The following OTOP1 variants were observed in gnomAD, a reference collection of about 807,000 sequenced individuals.
OTOP1 encodes otopetrin 1, also known as proton channel OTOP1.
A neutral mutation model predicts 52.9 loss-of-function variants in OTOP1; 59 were observed. The ratio of observed to expected loss-of-function variants is 1.12; its 90% CI spans 0.91 to 1.39. The LOEUF (loss-of-function observed/expected upper bound fraction) is 1.39, where lower values mean the gene tolerates loss of function less well. Among genes scored for constraint, OTOP1 ranks in the 40% most tolerant of loss-of-function variants. OTOP1 has a pLI of 0.00. For synonymous variants in OTOP1, 317 were observed against 337.7 expected, an observed-to-expected ratio of 0.94 and a Z score of 0.67; for missense variants, 761 against 800.9, an observed-to-expected ratio of 0.95 and a Z score of 0.60.
chr4:4,221,884 G>A (rs1014592749), intron 1 of OTOP1, among the ~76,000 whole-genome samples: 6 of 152,134 alleles, frequency 3.9e-5, no homozygotes, highest in Non-Finnish European at 5.9e-5. Flanking sequence ...CCAAAGTGCT[G>A]GGACTACAGG....
At chr4:4,193,131 A>C (rs1340619808) in intron 5 of OTOP1, among the ~76,000 whole-genome samples, 1 of 152,132 alleles carries the variant, frequency 6.6e-6, no homozygotes, top group Non-Finnish European at 1.5e-5. Flanking sequence ...TCTTGCGTTT[A>C]GGATAGAGTC....
chr4:4,213,091 T>G (rs1435626162), intron 1 of OTOP1, 87 bp from the exon 2 acceptor site: 1 of 1,484,510 alleles, frequency 6.7e-7, no homozygotes, highest in Non-Finnish European at 9.2e-7. Flanking sequence ...ATATTGTGTA[T>G]TAAACCCTTA....
chr4:4,203,865 C>A (rs1716841518), intron 3 of OTOP1, among the ~76,000 whole-genome samples: 1 of 152,188 alleles, frequency 6.6e-6, no homozygotes, highest in Non-Finnish European at 1.5e-5. Context: ...GGGTCCCCTG[C>A]CTGGCTGGGT....
chr4:4,198,695 G>A (rs568921647), intron 4 of OTOP1, among the ~76,000 whole-genome samples: 6 of 152,204 alleles, frequency 3.9e-5, no homozygotes, highest in African/African-American at 7.2e-5. Flanking sequence ...ATATCGGTGC[G>A]GGGAAAGTAA....
chr4:4,205,601 C>T (rs1716888501), intron 3 of OTOP1, among the ~76,000 whole-genome samples: 1 of 152,092 alleles, frequency 6.6e-6, no homozygotes, highest in Non-Finnish European at 1.5e-5. Context: ...CGAAGCAAGG[C>T]CCCTAAACCA....
chr4:4,213,598 G>A (rs574356466), intron 1 of OTOP1, among the ~76,000 whole-genome samples: 13 of 152,152 alleles, frequency 8.5e-5, no homozygotes, highest in Non-Finnish European at 1.0e-4. Context: ...ATTTTACTTC[G>A]CATAATGTCG....
At chr4:4,221,355 T>C (rs1389581824) in intron 1 of OTOP1, among the ~76,000 whole-genome samples, 7 of 152,214 alleles carry the variant, frequency 4.6e-5, no homozygotes, top group African/African-American at 1.7e-4. Flanking sequence ...CCCCAGAATT[T>C]GAGGCTGTAG....
Position 4,197,990 on chromosome 4 carries a change from A to C in OTOP1, c.844T>G (p.Ser282Ala). 6.2e-7 allele frequency: 1 copy of C among 1,614,106 alleles called. No individual in the cohort carries two copies. Among genetic ancestry groups the C allele is most frequent in the Non-Finnish European group, 8.5e-7 (1 of 1,180,022 alleles). Residue 282 changes from serine to alanine, a missense_variant, in exon 5 of 6, where the codon TCC (serine) becomes GCC (alanine). By Grantham distance (99) the Ser-to-Ala change is moderately conservative (BLOSUM62 1). This residue lies in a region of OTOP1 where 632 missense variants were observed against 619.5 expected (regional missense o/e 1.02). Transcript: ENST00000296358. ...TTCCACAGGACGTAGAGCATTGTGGAGGCCAGGATCTGATACTCTATGTTG... is the reference window on the plus strand; with the variant it reads ...TTCCACAGGACGTAGAGCATTGTGGCGGCCAGGATCTGATACTCTATGTTG... ...PFNIEYQILA[S>A]TMLYVLWKNI...
intron 5 of OTOP1, among the ~76,000 whole-genome samples, chr4:4,193,186 G>A (rs575213272): frequency 2.0e-5 from 3 of 152,058 alleles, no homozygotes; most frequent in East Asian, 3.9e-4. Flanking sequence ...CCTCTGCTCT[G>A]TGCTCCCAGG....
intron 1 of OTOP1, among the ~76,000 whole-genome samples, chr4:4,220,291 T>A (rs548348107): frequency 6.6e-6 from 1 of 151,428 alleles, no homozygotes; most frequent in Non-Finnish European, 1.5e-5. Flanking sequence ...ACTAGATAGA[T>A]CAAGTAGACA....
chr4:4,220,855 C>T (rs1248331265), intron 1 of OTOP1, among the ~76,000 whole-genome samples: 1 of 152,034 alleles, frequency 6.6e-6, no homozygotes, highest in Non-Finnish European at 1.5e-5. Flanking sequence ...GAACCCCCCT[C>T]TTAGAGGTGG....
intron 2 of OTOP1, among the ~76,000 whole-genome samples, chr4:4,209,504 A>T (rs770057438): frequency 5.7e-4 from 86 of 152,164 alleles, no homozygotes; most frequent in Non-Finnish European, 9.8e-4. Flanking sequence ...GAAAATTCAC[A>T]TCTGTCCCAG....
In OTOP1 at chr4:4,188,849, C is replaced by T. The variant is rs199742451; in HGVS notation, c.1793G>A (p.Arg598Gln). Residue 598 changes from arginine (R) to glutamine (Q), a missense_variant, in exon 6 of 6, where the codon CGA becomes CAA. Coordinates refer to ENST00000296358, the MANE Select transcript of OTOP1 (RefSeq NM_177998.3). ...AAAGAGGGAGGCAGCTGCGTGCATT[C>T]GATAGAAAATAGAAAAAGGCATGGC... ...NLAMPFSIFY[R>Q]MHAAASLFEV... The T allele has an allele frequency of 1.8e-5, 29 of 1,613,658 alleles. No individual in the cohort carries two copies. Among genetic ancestry groups the T allele is most frequent in the South Asian group, 5.5e-5 (5 of 91,040 alleles).
chr4:4,207,925 A>T (rs1716942473), intron 2 of OTOP1, among the ~76,000 whole-genome samples: 1 of 152,194 alleles, frequency 6.6e-6, no homozygotes, highest in South Asian at 2.1e-4. Context: ...TTTTTTATAA[A>T]GGTATGGGTA....
intron 1 of OTOP1, among the ~76,000 whole-genome samples, chr4:4,221,043 C>T (rs1423076114): frequency 6.2e-5 from 8 of 129,432 alleles, no homozygotes; most frequent in Admixed American, 1.6e-4. Flanking sequence ...TTATTTTATT[C>T]TATTTTATTT....
intron 5 of OTOP1, among the ~76,000 whole-genome samples, chr4:4,192,381 C>T (rs1716531607): frequency 6.6e-6 from 1 of 152,196 alleles, no homozygotes; most frequent in Admixed American, 6.5e-5. Context: ...AACAGAACTG[C>T]CTATCCAAGC....
intron 2 of OTOP1, among the ~76,000 whole-genome samples, chr4:4,207,426 G>A (rs1716930101): frequency 6.6e-6 from 1 of 152,058 alleles, no homozygotes; most frequent in Non-Finnish European, 1.5e-5. Flanking sequence ...AAGGAATGGA[G>A]GAAATACATA....
chr4:4,215,877 T>C (rs1717136181), intron 1 of OTOP1, among the ~76,000 whole-genome samples: 2 of 152,092 alleles, frequency 1.3e-5, no homozygotes, highest in African/African-American at 4.8e-5. Context: ...CACTGCAACT[T>C]CCACCTCCTG....
intron 2 of OTOP1, among the ~76,000 whole-genome samples, chr4:4,207,317 A>G (rs529516201): frequency 6.6e-6 from 1 of 152,354 alleles, no homozygotes; most frequent in East Asian, 1.9e-4. Flanking sequence ...TGCTTTTTAT[A>G]AAAACTACCT....
Sources: gnomAD v4.1 joint callset for allele counts (sites outside exome capture counted in the v4.1 genomes callset) on GRCh38, gnomAD v4.1.1 for gene constraint, gnomAD v4.1.1 regional missense constraint, MANE v1.5 for transcripts, NCBI Gene and HGNC (gene_info 2026-07-23, HGNC 2026-07-21) for gene names.